PRTFDC1: variants seen among roughly 807,000 people sequenced by gnomAD.
PRTFDC1 encodes phosphoribosyltransferase domain-containing protein 1.
A neutral mutation model predicts 34.6 loss-of-function variants in PRTFDC1; 38 were observed. The observed-to-expected ratio is 1.10, with a 90% CI of 0.85 to 1.44. The LOEUF (loss-of-function observed/expected upper bound fraction) is 1.44. Ranked by LOEUF, PRTFDC1 falls within the 40% of genes most tolerant of loss-of-function variation. The pLI is 0.00. For missense variants in PRTFDC1, 270 were observed against 283.0 expected, an observed-to-expected ratio of 0.95 and a Z score of 0.33; for synonymous variants, 93 against 98.1, an observed-to-expected ratio of 0.95 and a Z score of 0.31.
At chr10:24,927,112 A>G (rs1848888998) in intron 3 of PRTFDC1, among the ~76,000 whole-genome samples, 1 of 152,346 alleles carries the variant, frequency 6.6e-6, no homozygotes, top group East Asian at 1.9e-4. Context: ...AGAATTAACT[A>G]TCTCAGAGTA....
At chr10:24,893,916 T>A (rs1848305090) in intron 3 of PRTFDC1, among the ~76,000 whole-genome samples, 1 of 152,206 alleles carries the variant, frequency 6.6e-6, no homozygotes, top group South Asian at 2.1e-4. Flanking sequence ...GTGCTCAACA[T>A]GGGCACCCAC....
intron 3 of PRTFDC1, among the ~76,000 whole-genome samples, chr10:24,905,195 C>G (rs934842466): frequency 1.3e-5 from 2 of 151,954 alleles, no homozygotes; most frequent in Non-Finnish European, 2.9e-5. Context: ...CACCTGTAGT[C>G]CCAGCTACTT....
chr10:24,874,112 T>C (rs956951628), intron 3 of PRTFDC1, among the ~76,000 whole-genome samples: 2 of 151,688 alleles, frequency 1.3e-5, no homozygotes, highest in African/African-American at 4.8e-5. Flanking sequence ...CATTCACTCC[T>C]TACCATGGAT....
intron 2 of PRTFDC1, among the ~76,000 whole-genome samples, chr10:24,940,284 A>G (rs1401259182): frequency 2.0e-5 from 3 of 152,244 alleles, no homozygotes; most frequent in African/African-American, 7.2e-5. Flanking sequence ...GAAAATAGTA[A>G]GACAAACCAT....
chr10:24,865,425 A>G (rs1847757688), intron 4 of PRTFDC1, among the ~76,000 whole-genome samples: 1 of 152,100 alleles, frequency 6.6e-6, no homozygotes, highest in Admixed American at 6.6e-5. Context: ...TTCCAATCTG[A>G]TAACTCTGAT....
chr10:24,858,753 A>C (rs944827787), intron 4 of PRTFDC1, among the ~76,000 whole-genome samples: 53 of 152,296 alleles, frequency 3.5e-4, no homozygotes, highest in African/African-American at 1.3e-3. Flanking sequence ...TTGAGAGTTT[A>C]CCAGGAAAAC....
intron 7 of PRTFDC1, among the ~76,000 whole-genome samples, chr10:24,854,172 T>C (rs1847536355): frequency 6.6e-6 from 1 of 152,228 alleles, no homozygotes; most frequent in Non-Finnish European, 1.5e-5. Flanking sequence ...ATAAGAAATT[T>C]GTCATTGAAG....
intron 3 of PRTFDC1, among the ~76,000 whole-genome samples, chr10:24,920,938 C>A (rs1043262019): frequency 1.3e-5 from 2 of 152,056 alleles, no homozygotes; most frequent in Non-Finnish European, 2.9e-5. Flanking sequence ...AGGAACACTG[C>A]CTCAAAGCAT....
intron 3 of PRTFDC1, among the ~76,000 whole-genome samples, chr10:24,883,818 CTTTTTTTTTTTTT>C (rs71399940): frequency 1.0e-5 from 1 of 96,570 alleles, no homozygotes; most frequent in Non-Finnish European, 2.0e-5. Flanking sequence ...CTTAAGAGAC[CTTTTTTTTTTTTT>C]TTTTTTTTTA....
chr10:24,864,456 AC>A (rs1847739539), intron 4 of PRTFDC1, among the ~76,000 whole-genome samples: 9 of 152,042 alleles, frequency 5.9e-5, no homozygotes, highest in Admixed American at 5.9e-4. Flanking sequence ...AGCCACCCCA[AC>A]CTTCTGAAGC....
intron 4 of PRTFDC1, among the ~76,000 whole-genome samples, chr10:24,864,622 CATA>C (rs1847743671): frequency 6.6e-6 from 1 of 152,134 alleles, no homozygotes; most frequent in African/African-American, 2.4e-5. Context: ...ATTTTTTAGA[CATA>C]ATGTTATCAC....
Position 24,952,530 on chromosome 10 carries a change from C to A in PRTFDC1, c.46G>T (p.Val16Leu), listed in dbSNP as rs1232176951. 1 of 1,586,846 alleles carries A rather than the reference C, an allele frequency of 6.3e-7. No individual in the cohort carries two copies. Among genetic ancestry groups the A allele is most frequent in the Admixed American group, 1.8e-5 (1 of 56,476 alleles). ...EEAPDYGRGV[V>L]IMDDWPGYDL... ...CAAAATAGGGAGTTTGCATTTACCA[C>A]GACGCCTCGCCCGTAGTCTGGCGCC... The change falls in exon 1 of 9, where the codon GTG becomes TTG. Residue 16 changes from valine (V) to leucine (L), a missense_variant and splice_region_variant. Physicochemically the swap from Val to Leu is conservative, Grantham distance 32. Coordinates refer to ENST00000320152, the MANE Select transcript of PRTFDC1 (RefSeq NM_020200.7). The surrounding 1 kb of genome is among the most constrained non-coding windows in gnomAD (Gnocchi z 5.1).
intron 4 of PRTFDC1, among the ~76,000 whole-genome samples, chr10:24,864,857 T>C (rs1278468169): frequency 6.6e-6 from 1 of 152,108 alleles, no homozygotes; most frequent in African/African-American, 2.4e-5. Flanking sequence ...GGCTCACACC[T>C]GTAATCCCAG....
At position 24,929,052 on chromosome 10, in the gene PRTFDC1, A is replaced by AAAAAAGAAAG. The variant is rs1554765607; in HGVS notation, c.339+8131_339+8132insCTTTCTTTTT. Among the ~76,000 whole-genome samples the AAAAAAGAAAG allele has an allele frequency of 1.9e-3, 225 of 116,536 alleles. 6 individuals carry two copies. Among genetic ancestry groups the AAAAAAGAAAG allele is most frequent in the South Asian group, 3.2e-3 (11 of 3,432 alleles). 76.5% of individuals were successfully genotyped at this position (116,536 alleles called of 152,430 possible). A position where few individuals can be genotyped will look rare whatever the true frequency, so the allele number is the denominator to read the frequency against. ...GCAGACTCCGTCTCAAAAAAAAAAA[A>AAAAAAGAAAG]AAAGAAAGAAAGAAAGAAAGAAAGG... On this transcript the variant is annotated intron_variant, in intron 3 of 8. Transcript: ENST00000320152.
intron 4 of PRTFDC1, among the ~76,000 whole-genome samples, chr10:24,863,277 C>A (rs1027141894): frequency 2.0e-5 from 3 of 152,164 alleles, no homozygotes; most frequent in Admixed American, 2.0e-4. Context: ...TAAAATGATG[C>A]TAAATCAACT....
At chr10:24,906,239 T>C (rs1848532948) in intron 3 of PRTFDC1, among the ~76,000 whole-genome samples, 1 of 152,184 alleles carries the variant, frequency 6.6e-6, no homozygotes. Context: ...CTCTTGGCTG[T>C]GTAGAGAGCC....
At position 24,952,445 on chromosome 10, in the gene PRTFDC1, C is replaced by G; in HGVS notation, c.48+83G>C. ...CGGTGGCCCTCTCTCTCCCCCGACG[C>G]ACGGCAAGCATTTAATCTACAAGCA... On this transcript the variant is annotated intron_variant, in intron 1 of 8. Coordinates refer to ENST00000320152, the MANE Select transcript of PRTFDC1 (RefSeq NM_020200.7). The surrounding 1 kb of genome is among the most constrained non-coding windows in gnomAD (Gnocchi z 5.1). 12 of 1,460,722 alleles carry G rather than the reference C, an allele frequency of 8.2e-6. No individual in the cohort carries two copies. The highest frequency in any genetic ancestry group is 1.1e-5 in the Non-Finnish European group (12 of 1,067,360). 90.5% of individuals were successfully genotyped at this position (1,460,722 alleles called of 1,614,324 possible). A position where few individuals can be genotyped will look rare whatever the true frequency, so the allele number is the denominator to read the frequency against.
At chr10:24,914,488 G>T (rs1848667003) in intron 3 of PRTFDC1, among the ~76,000 whole-genome samples, 1 of 152,170 alleles carries the variant, frequency 6.6e-6, no homozygotes, top group Admixed American at 6.6e-5. Flanking sequence ...AGGCCATTTT[G>T]TGCCTCACAA....
chr10:24,888,663 A>G (rs1214315181), intron 3 of PRTFDC1, among the ~76,000 whole-genome samples: 1 of 152,228 alleles, frequency 6.6e-6, no homozygotes, highest in African/African-American at 2.4e-5. Flanking sequence ...AAACACTAGA[A>G]TGTTATTTAC....
Sources: gnomAD v4.1 joint callset for allele counts (sites outside exome capture counted in the v4.1 genomes callset) on GRCh38, gnomAD v4.1.1 for gene constraint, Gnocchi (gnomAD v3.1) non-coding constraint, MANE v1.5 for transcripts, NCBI Gene and HGNC (gene_info 2026-07-23, HGNC 2026-07-21) for gene names.